IMPG2: variants seen among roughly 807,000 people sequenced by gnomAD.
IMPG2 encodes interphotoreceptor matrix proteoglycan 2, also known as IPM 200.
In IMPG2, 91 loss-of-function variants were observed where a neutral mutation model predicts 129.2. The observed-to-expected ratio is 0.70, with a 90% CI of 0.59 to 0.84. IMPG2 has a LOEUF of 0.84. Among genes scored for constraint, IMPG2 ranks in the 40% least tolerant of loss-of-function variants. IMPG2 has a pLI of 0.00. For missense variants in IMPG2, 1,430 were observed against 1,461.7 expected, an observed-to-expected ratio of 0.98 and a Z score of 0.35; for synonymous variants, 510 against 517.7, an observed-to-expected ratio of 0.99 and a Z score of 0.20.
intron 11 of IMPG2, among the ~76,000 whole-genome samples, chr3:101,247,853 T>C (rs1484668069): frequency 6.6e-6 from 1 of 152,194 alleles, no homozygotes; most frequent in Admixed American, 6.5e-5. Context: ...TTAAGAAATT[T>C]CCCATATTTA....
At chr3:101,307,739 G>A (rs141005868) in intron 2 of IMPG2, among the ~76,000 whole-genome samples, 7 of 152,116 alleles carry the variant, frequency 4.6e-5, no homozygotes, top group Non-Finnish European at 8.8e-5. Flanking sequence ...ATTCTGCCCC[G>A]GCCCCTCCCA....
At position 101,319,664 on chromosome 3, in the gene IMPG2, A is replaced by G. The variant is rs775330840; in HGVS notation, c.254T>C (p.Phe85Ser). The change falls in exon 2 of 19, where the codon TTT becomes TCT. Residue 85 changes from phenylalanine to serine, a missense_variant. By Grantham distance (155) the Phe-to-Ser change is radical. Transcript: ENST00000193391. ...TGGGCAGATTTTCACTCCATTAGGA[A>G]ACAGAATAGATCTCCGCCTTCTGAT... ...WLIRRRRSIL[F>S]PNGVKICPDE... 3.7e-6 allele frequency: 6 copies of G among 1,613,770 alleles called. No homozygotes were observed. The highest frequency in any genetic ancestry group is 5.1e-6 in the Non-Finnish European group (6 of 1,179,822).
intron 14 of IMPG2, among the ~76,000 whole-genome samples, chr3:101,238,486 A>G (rs1330156437): frequency 6.6e-6 from 1 of 152,218 alleles, no homozygotes; most frequent in Non-Finnish European, 1.5e-5. Context: ...CGGGTTACCC[A>G]CAAAGGGAAA....
At chr3:101,316,966 A>T (rs1439054779) in intron 2 of IMPG2, among the ~76,000 whole-genome samples, 1 of 152,100 alleles carries the variant, frequency 6.6e-6, no homozygotes, top group Non-Finnish European at 1.5e-5. Context: ...CCAGACCAAA[A>T]AAAGAGTATA....
At chr3:101,256,145 A>AAAAGAAAGAAAG (rs57933330) in intron 10 of IMPG2, among the ~76,000 whole-genome samples, 1,606 of 77,540 alleles carry the variant, frequency 0.021, 53 homozygotes, top group East Asian at 0.033. Context: ...AGAAAGAAAG[A>AAAAGAAAGAAAG]AAAGAAAGAA....
chr3:101,252,945 A>G (rs72930583), intron 11 of IMPG2, among the ~76,000 whole-genome samples: 3,291 of 152,278 alleles, frequency 0.022, 113 homozygotes, highest in African/African-American at 0.075. Flanking sequence ...TGTATATGAT[A>G]ACAAAAGATT....
intron 13 of IMPG2, 62 bp from the exon 14 acceptor site, chr3:101,242,969 C>T: frequency 7.5e-7 from 1 of 1,328,746 alleles, no homozygotes; most frequent in South Asian, 1.2e-5. Flanking sequence ...AATACATACC[C>T]AAACAAAACA....
intron 4 of IMPG2, among the ~76,000 whole-genome samples, chr3:101,283,214 G>T (rs1172262502): frequency 7.2e-5 from 11 of 151,928 alleles, no homozygotes; most frequent in African/African-American, 2.7e-4. Flanking sequence ...TTGTAGAGAC[G>T]GGATTTCACC....
intron 9 of IMPG2, among the ~76,000 whole-genome samples, chr3:101,264,825 T>C (rs1259407183): frequency 1.3e-5 from 2 of 152,026 alleles, no homozygotes; most frequent in Non-Finnish European, 2.9e-5. Flanking sequence ...AAAAAACTCC[T>C]AGATTTAATG....
At position 101,245,887 on chromosome 3, in the gene IMPG2, AAG is replaced by A. The variant is rs1706471154; in HGVS notation, c.1456_1457del (p.Leu486SerfsTer17). On this transcript the variant is annotated frameshift_variant, in exon 12 of 19. Coordinates refer to ENST00000193391, the MANE Select transcript of IMPG2 (RefSeq NM_016247.4). LOFTEE classifies it high-confidence loss of function. ...GAAGCACTGCCGGGGTGACAGAATGAAGAGTCAAGCTGCTAACCTCTAAAACC... is the reference window on the plus strand; with the variant it reads ...GAAGCACTGCCGGGGTGACAGAATGAAGTCAAGCTGCTAACCTCTAAAACC... ...PEVLEVSSLT[L>X]HSVTPAVLQT... is the part of the protein sequence containing the mutation. 1 of 1,614,110 alleles carries A rather than the reference AAG, an allele frequency of 6.2e-7. No homozygotes were observed. Among genetic ancestry groups the A allele is most frequent in the African/African-American group, 1.3e-5 (1 of 74,952 alleles).
rs553966102 is a variant in IMPG2, at chr3:101,319,672, A to G, written c.246T>C (p.Ser82=). Residue 82 remains serine, a synonymous_variant, in exon 2 of 19, where the codon TCT becomes TCC. Coordinates refer to ENST00000193391, the MANE Select transcript of IMPG2 (RefSeq NM_016247.4). ...TTTTCACTCCATTAGGAAACAGAAT[A>G]GATCTCCGCCTTCTGATTAACCACT... ...ERQWLIRRRR[S]ILFPNGVKIC... is the part of the protein sequence containing the mutation. The G allele has an allele frequency of 3.6e-5, 58 of 1,613,736 alleles. 2 individuals carry two copies. The Admixed American group carries it at 8.5e-4, about 24-fold the overall frequency.
intron 11 of IMPG2, among the ~76,000 whole-genome samples, chr3:101,246,510 G>A (rs901915305): frequency 5.3e-5 from 8 of 152,170 alleles, no homozygotes; most frequent in Admixed American, 2.0e-4. Context: ...CCCACAGCAG[G>A]AAAGAACAAC....
At chr3:101,240,236 G>A (rs1706392154) in intron 14 of IMPG2, among the ~76,000 whole-genome samples, 1 of 149,498 alleles carries the variant, frequency 6.7e-6, no homozygotes, top group Non-Finnish European at 1.5e-5. Context: ...TCCCACCTCA[G>A]CCTCCCAAGT....
At chr3:101,310,578 AAAAAAAAAAAAG>A (rs202025809) in intron 2 of IMPG2, among the ~76,000 whole-genome samples, 17,530 of 83,520 alleles carry the variant, frequency 0.21, 953 homozygotes, top group East Asian at 0.29. Flanking sequence ...AAAAAAAAAA[AAAAAAAAAAAAG>A]ATGGTTACAG....
chr3:101,255,942 T>C (rs574721684), intron 10 of IMPG2, among the ~76,000 whole-genome samples: 24 of 151,604 alleles, frequency 1.6e-4, no homozygotes, highest in African/African-American at 5.8e-4. Context: ...GTAATTCATA[T>C]AAAGCCCAGA....
intron 2 of IMPG2, among the ~76,000 whole-genome samples, chr3:101,310,545 G>A (rs925091098): frequency 2.9e-5 from 4 of 138,596 alleles, no homozygotes; most frequent in Non-Finnish European, 6.0e-5. Context: ...GGGTGACAAA[G>A]TGAGACCCTG....
intron 13 of IMPG2, among the ~76,000 whole-genome samples, chr3:101,243,239 G>A (rs111650957): frequency 0.018 from 2,806 of 152,308 alleles, 79 homozygotes; most frequent in African/African-American, 0.064. Context: ...TAGCTTCACA[G>A]TAAAATGTGA....
intron 6 of IMPG2, 31 bp downstream of exon 6, chr3:101,275,632 A>G: frequency 6.9e-7 from 1 of 1,458,520 alleles, no homozygotes; most frequent in Non-Finnish European, 9.6e-7. Flanking sequence ...TCCATGTTAG[A>G]AACTAACTAA....
chr3:101,314,099 T>G (rs2058770565), intron 2 of IMPG2, among the ~76,000 whole-genome samples: 1 of 152,146 alleles, frequency 6.6e-6, no homozygotes, highest in South Asian at 2.1e-4. Context: ...TTGTCATTTA[T>G]TTGGGATCTA....
Sources: allele counts gnomAD v4.1 joint callset (sites outside exome capture counted in the v4.1 genomes callset), GRCh38; gene constraint gnomAD v4.1.1; transcripts MANE v1.5; gene names NCBI Gene and HGNC (gene_info 2026-07-23, HGNC 2026-07-21).